LMAN1: variants seen among roughly 807,000 people sequenced by gnomAD.
The protein encoded by LMAN1 is lectin, mannose binding 1.
Under a neutral mutation model 67.8 loss-of-function variants are expected in LMAN1, and 32 were observed. The ratio of observed to expected loss-of-function variants is 0.47; its 90% CI spans 0.36 to 0.63. The LOEUF is 0.63. Ranked by LOEUF, LMAN1 falls within the 30% of genes least tolerant of loss-of-function variation. The pLI, the probability that LMAN1 is intolerant of heterozygous loss-of-function variation, is 0.00. For missense variants in LMAN1, 632 were observed against 628.2 expected, an observed-to-expected ratio of 1.01 and a Z score of -0.06; for synonymous variants, 235 against 219.3, an observed-to-expected ratio of 1.07 and a Z score of -0.63.
intron 6 of LMAN1, among the ~76,000 whole-genome samples, chr18:59,348,276 C>A (rs41511147): frequency 6.6e-6 from 1 of 152,162 alleles, no homozygotes; most frequent in South Asian, 2.1e-4. Context: ...ACTGTTTTTA[C>A]GGAATCTAGA....
Position 59,349,006 on chromosome 18 carries a change from C to A in LMAN1, c.763+107G>T, listed in dbSNP as rs989879353. On this transcript the variant is annotated intron_variant, in intron 6 of 12. Transcript: ENST00000251047. ...CAAGAGGTGATGGGAAAGTTCCAAA[C>A]AGTCTTAAAAAGTTATTAGTATAAA... 8 of 1,326,514 alleles carry A rather than the reference C, an allele frequency of 6.0e-6. No individual in the cohort carries two copies. In the African/African-American group the frequency reaches 8.7e-5, roughly 14 times the overall value. 82.2% of individuals were successfully genotyped at this position (1,326,514 alleles called of 1,614,324 possible). A position where few individuals can be genotyped will look rare whatever the true frequency, so the allele number is the denominator to read the frequency against.
At chr18:59,353,050 G>A in intron 5 of LMAN1, 152 bp downstream of exon 5, 2 of 683,142 alleles carry the variant, frequency 2.9e-6, no homozygotes, top group Admixed American at 2.1e-5. Context: ...CTTACACTGA[G>A]CTGTGAAGCC....
At chr18:59,335,347 C>T (rs548484186) in intron 10 of LMAN1, among the ~76,000 whole-genome samples, 3 of 151,448 alleles carry the variant, frequency 2.0e-5, no homozygotes, top group Admixed American at 6.6e-5. Flanking sequence ...GCAGAAGAAT[C>T]GCATGAACCC....
intron 10 of LMAN1, among the ~76,000 whole-genome samples, chr18:59,337,637 G>T (rs1490401227): frequency 6.6e-6 from 1 of 152,072 alleles, no homozygotes; most frequent in Non-Finnish European, 1.5e-5. Flanking sequence ...TTTCTAAAAG[G>T]ATTCTATTCA....
intron 6 of LMAN1, among the ~76,000 whole-genome samples, 175 bp downstream of exon 6, chr18:59,348,938 G>A (rs1462717106): frequency 2.0e-5 from 3 of 152,176 alleles, no homozygotes; most frequent in Admixed American, 6.5e-5. Flanking sequence ...ACCGAACAAT[G>A]TAAGTAGAAA....
At chr18:59,354,894 G>A (rs974695322) in intron 3 of LMAN1, among the ~76,000 whole-genome samples, 1 of 152,130 alleles carries the variant, frequency 6.6e-6, no homozygotes, top group Non-Finnish European at 1.5e-5. Flanking sequence ...AAATTGGCCC[G>A]ATCAAAAAGA....
chr18:59,331,168 T>C (rs2070745058), intron 12 of LMAN1, 39 bp from the exon 13 acceptor site: 5 of 1,549,950 alleles, frequency 3.2e-6, no homozygotes, highest in Non-Finnish European at 3.6e-6. Context: ...AGAAGTTCTA[T>C]ACGCTTAACT....
intron 5 of LMAN1, among the ~76,000 whole-genome samples, chr18:59,351,009 TC>T (rs1302447732): frequency 1.3e-5 from 2 of 152,176 alleles, no homozygotes; most frequent in African/African-American, 2.4e-5. Context: ...TGGCTGTGTT[TC>T]CCCCACCAAC....
chr18:59,334,153 T>A (rs1186279939), intron 10 of LMAN1, among the ~76,000 whole-genome samples: 1 of 152,212 alleles, frequency 6.6e-6, no homozygotes, highest in African/African-American at 2.4e-5. Context: ...TATGTAACGT[T>A]GTCACATATT....
At chr18:59,345,841 A>G in intron 8 of LMAN1, 78 bp downstream of exon 8, 5 of 1,541,354 alleles carry the variant, frequency 3.2e-6, no homozygotes, top group Non-Finnish European at 4.5e-6. Context: ...TGAGCTAGGC[A>G]ACACAGAGAC....
rs1472945557 is a variant in LMAN1, at chr18:59,328,802, T to C, written c.*2291A>G. ...TACTGTTTATGACTTCATGGTAAAG[T>C]TTTAAGCTGAATAAAACATTCAAAC... On this transcript the variant is annotated 3_prime_UTR_variant, in exon 13 of 13. Coordinates refer to ENST00000251047, the MANE Select transcript of LMAN1 (RefSeq NM_005570.4). 6.6e-6 allele frequency: 1 copy of C among 152,162 alleles called. No homozygotes were observed. Among genetic ancestry groups the C allele is most frequent in the Non-Finnish European group, 1.5e-5 (1 of 68,022 alleles). 9.4% of individuals were successfully genotyped at this position (152,162 alleles called of 1,614,324 possible). A position where few individuals can be genotyped will look rare whatever the true frequency, so the allele number is the denominator to read the frequency against.
In LMAN1 at chr18:59,359,199, G is replaced by C; in HGVS notation, c.46C>G (p.Leu16Val). 1 of 1,614,030 alleles carries C rather than the reference G, an allele frequency of 6.2e-7. No homozygotes were observed. Among genetic ancestry groups the C allele is most frequent in the Non-Finnish European group, 8.5e-7 (1 of 1,179,928 alleles). Residue 16 changes from leucine (L) to valine (V), a missense_variant, in exon 1 of 13, where the codon CTG becomes GTG. Leu to Val is a conservative substitution (Grantham distance 32, BLOSUM62 1). Transcript: ENST00000251047. ...QRGLRARVRP[L>V]FCALLLSLGR... is the part of the protein sequence containing the mutation. Reference sequence around the variant, plus strand: ...AGTGACAGCAGCAAGGCGCAGAACAGCGGCCGAACTCTGGCCCGGAGACCC... The same window carrying C: ...AGTGACAGCAGCAAGGCGCAGAACACCGGCCGAACTCTGGCCCGGAGACCC...
chr18:59,352,221 C>A (rs1356188978), intron 5 of LMAN1, among the ~76,000 whole-genome samples: 1 of 152,098 alleles, frequency 6.6e-6, no homozygotes, highest in Non-Finnish European at 1.5e-5. Context: ...TCCCATTCCT[C>A]CCCCAAACAG....
chr18:59,349,673 T>G (rs1908498575), intron 5 of LMAN1, among the ~76,000 whole-genome samples: 1 of 152,190 alleles, frequency 6.6e-6, no homozygotes, highest in Non-Finnish European at 1.5e-5. Context: ...GAGCTCCTCT[T>G]AATTAAATTA....
chr18:59,349,038 T>G (rs1252180731), intron 6 of LMAN1, 75 bp downstream of exon 6: 1 of 1,535,992 alleles, frequency 6.5e-7, no homozygotes. Flanking sequence ...TAAACAAGTC[T>G]ACATATCCCT....
At chr18:59,355,908 G>A (rs1908651738) in intron 1 of LMAN1, among the ~76,000 whole-genome samples, 1 of 152,040 alleles carries the variant, frequency 6.6e-6, no homozygotes, top group Admixed American at 6.5e-5. Flanking sequence ...AGGGAATTAT[G>A]ACTTTAAGGC....
intron 11 of LMAN1, 66 bp downstream of exon 11, chr18:59,333,025 C>A (rs2070757213): frequency 1.5e-6 from 2 of 1,298,036 alleles, no homozygotes; most frequent in South Asian, 2.4e-5. Context: ...AAAATACTTG[C>A]AGTAGAGTAT....
chr18:59,359,196 A>G lies in LMAN1; in HGVS notation c.49T>C (p.Phe17Leu). 6.2e-7 allele frequency: 1 copy of G among 1,614,026 alleles called. No individual in the cohort carries two copies. Among genetic ancestry groups the G allele is most frequent in the South Asian group, 1.1e-5 (1 of 91,068 alleles). The change falls in exon 1 of 13, where the codon TTC (phenylalanine) becomes CTC (leucine). Residue 17 changes from phenylalanine to leucine, a missense_variant. Phe to Leu is a conservative substitution (Grantham distance 22). Transcript: ENST00000251047. ...RGLRARVRPL[F>L]CALLLSLGRF... ...CCGAGTGACAGCAGCAAGGCGCAGA[A>G]CAGCGGCCGAACTCTGGCCCGGAGA...
rs1351873927 is a variant in LMAN1, at chr18:59,347,523, CCAGGTT to C, written c.806_811del (p.Glu269_Pro270del). ...TATGTGTAAAATTACCGGCTCTTTT[CCAGGTT>C]CAGTCAACTGGAAAGTCAGAAAAGA... is the stretch of plus-strand genomic sequence containing the variant. On this transcript the variant is annotated inframe_deletion, in exon 7 of 13. Transcript: ENST00000251047. The C allele has an allele frequency of 1.9e-6, 3 of 1,609,376 alleles. No homozygotes were observed. The Admixed American group carries it at 5.0e-5, about 27-fold the overall frequency.
Sources: gnomAD v4.1 joint callset for allele counts (sites outside exome capture counted in the v4.1 genomes callset) on GRCh38, gnomAD v4.1.1 for gene constraint, MANE v1.5 for transcripts, NCBI Gene and HGNC (gene_info 2026-07-23, HGNC 2026-07-21) for gene names.